Variants in PCDH10 observed in about 807,000 individuals in gnomAD.
PCDH10 encodes protocadherin 10.
Under a neutral mutation model 74.4 loss-of-function variants are expected in PCDH10, and 15 were observed. The observed-to-expected ratio is 0.20, with a 90% CI of 0.13 to 0.31. The LOEUF (loss-of-function observed/expected upper bound fraction) is 0.31. Among genes scored for constraint, PCDH10 ranks in the 10% least tolerant of loss-of-function variants. The probability of loss-of-function intolerance (pLI) is 1.00; values close to 1 mark genes in which losing one functional copy is unlikely to be tolerated. For missense variants in PCDH10, 1,260 were observed against 1,390.2 expected (o/e 0.91, Z 1.49); for synonymous variants, 619 against 589.8 (o/e 1.05, Z -0.72).
chr4:133,192,854 A>T lies in PCDH10; in HGVS notation c.*2694A>T, dbSNP rs562591368. The stretch of plus-strand genomic sequence containing the variant: ...AAAATGGAAAGTGCAACCAACAAAT[A>T]ATGAAGGTTTCTAATTAAGCATTTA... On this transcript the variant is annotated 3_prime_UTR_variant, in exon 5 of 5. Coordinates refer to ENST00000264360, the MANE Select transcript of PCDH10 (RefSeq NM_032961.3). 6.6e-6 allele frequency: 1 copy of T among 151,710 alleles called. No homozygotes were observed. The highest frequency in any genetic ancestry group is 1.5e-5 in the Non-Finnish European group (1 of 67,602). 9.4% of individuals were successfully genotyped at this position (151,710 alleles called of 1,614,324 possible). A position where few individuals can be genotyped will look rare whatever the true frequency, so the allele number is the denominator to read the frequency against.
intron 3 of PCDH10, among the ~76,000 whole-genome samples, chr4:133,160,639 A>T (rs902718709): frequency 6.6e-6 from 1 of 150,510 alleles, no homozygotes; most frequent in Admixed American, 6.7e-5. Context: ...ATACTAGATT[A>T]TTAAAATTAT....
chr4:133,203,669 C>G (rs1727947649), intron 2 of PCDH10, among the ~76,000 whole-genome samples: 1 of 152,198 alleles, frequency 6.6e-6, no homozygotes, highest in Admixed American at 6.5e-5. Context: ...TCTCTGTTCT[C>G]TCTGTACAAA....
chr4:133,171,133 G>T (rs1345086610), intron 4 of PCDH10, among the ~76,000 whole-genome samples: 2 of 151,956 alleles, frequency 1.3e-5, no homozygotes, highest in Non-Finnish European at 2.9e-5. Flanking sequence ...AAATGTTGTA[G>T]TCAGTAGGAC....
Position 133,163,158 on chromosome 4 carries a change from G to A in PCDH10, c.2979G>A (p.Gln993=). The part of the protein sequence containing the change: ...DTEVFETPEA[Q]PGAERSFSTF... ...AGGTGTTTGAAACTCCAGAAGCCCA[G>A]CCTGGGGCAGAGCGGTCCTTTTCCA... is the stretch of plus-strand genomic sequence containing the variant. Residue 993 remains glutamine (Q), a synonymous_variant, in exon 4 of 5, where the codon CAG becomes CAA. Coordinates refer to ENST00000264360, the MANE Select transcript of PCDH10 (RefSeq NM_032961.3). The A allele has an allele frequency of 6.2e-7, 1 of 1,614,122 alleles. No individual in the cohort carries two copies. The highest frequency in any genetic ancestry group is 8.5e-7 in the Non-Finnish European group (1 of 1,180,018).
chr4:133,151,221 A>C lies in PCDH10; in HGVS notation c.1081A>C (p.Ser361Arg), dbSNP rs143231760. 6.2e-7 allele frequency: 1 copy of C among 1,613,934 alleles called. No individual in the cohort carries two copies. Among genetic ancestry groups the C allele is most frequent in the South Asian group, 1.1e-5 (1 of 91,076 alleles). ...TGACAACGCGCCAGAGATCAGCTTCAGCACCGTGAAGGAAGCGGTGAGTGA... is the reference window on the plus strand; with the variant it reads ...TGACAACGCGCCAGAGATCAGCTTCCGCACCGTGAAGGAAGCGGTGAGTGA... ...ANDNAPEISF[S>R]TVKEAVSEGA... is the part of the protein sequence containing the mutation. The change falls in exon 1 of 5, where the codon AGC becomes CGC. Residue 361 changes from serine to arginine, a missense_variant. Ser to Arg is a moderately radical substitution (Grantham distance 110, BLOSUM62 -1). This residue lies in a region of PCDH10 where 112 missense variants were observed against 123.6 expected (regional missense o/e 0.91). Transcript: ENST00000264360.
rs931421301 is a variant in PCDH10, at chr4:133,151,881, C to A, written c.1741C>A (p.Arg581Ser). 2 of 1,613,006 alleles carry A rather than the reference C, an allele frequency of 1.2e-6. No individual in the cohort carries two copies. Among genetic ancestry groups the A allele is most frequent in the Non-Finnish European group, 1.7e-6 (2 of 1,179,982 alleles). The change falls in exon 1 of 5, where the codon CGC becomes AGC. Residue 581 changes from arginine to serine, a missense_variant. By Grantham distance (110) the Arg-to-Ser change is moderately radical. Coordinates refer to ENST00000264360, the MANE Select transcript of PCDH10 (RefSeq NM_032961.3). ...TGCCATCGTGGCGCCTCTACCAGGGCGCAACGGGACTCCAGCGCGTGAGGT... is the reference window on the plus strand; with the variant it reads ...TGCCATCGTGGCGCCTCTACCAGGGAGCAACGGGACTCCAGCGCGTGAGGT... Reference protein sequence around the residue: ...APAIVAPLPGRNGTPAREVLP... With the variant: ...APAIVAPLPGSNGTPAREVLP...
intron 2 of PCDH10, among the ~76,000 whole-genome samples, chr4:133,203,900 G>A (rs1327305910): frequency 6.6e-6 from 1 of 152,178 alleles, no homozygotes; most frequent in Non-Finnish European, 1.5e-5. Flanking sequence ...TTTTGACTGT[G>A]AGGCAGGCAT....
At chr4:133,179,337 C>T (rs1727361744) in intron 4 of PCDH10, among the ~76,000 whole-genome samples, 1 of 152,134 alleles carries the variant, frequency 6.6e-6, no homozygotes, top group Non-Finnish European at 1.5e-5. Context: ...ATGTTCTCCT[C>T]TTAACACATT....
At chr4:133,179,204 A>G (rs1041876229) in intron 4 of PCDH10, among the ~76,000 whole-genome samples, 4 of 152,152 alleles carry the variant, frequency 2.6e-5, no homozygotes, top group Non-Finnish European at 5.9e-5. Context: ...GCAGGCGTAT[A>G]CTTTGTGTTC....
In PCDH10 at chr4:133,151,484, G is replaced by T; in HGVS notation, c.1344G>T (p.Ser448=). Residue 448 remains serine, a synonymous_variant, in exon 1 of 5, where the codon TCG becomes TCT. Coordinates refer to ENST00000264360, the MANE Select transcript of PCDH10 (RefSeq NM_032961.3). The part of the protein sequence containing the change: ...RGEPALSTSK[S]IQVQVSDVND... ...AGCCTGCGCTCTCCACCAGTAAGTC[G>T]ATCCAGGTACAAGTGTCGGATGTGA... is the stretch of plus-strand genomic sequence containing the variant. 6.2e-7 allele frequency: 1 copy of T among 1,614,046 alleles called. No individual in the cohort carries two copies. The highest frequency in any genetic ancestry group is 8.5e-7 in the Non-Finnish European group (1 of 1,180,032).
downstream of PCDH10, among the ~76,000 whole-genome samples, chr4:133,197,969 TTG>T (rs70957500): frequency 0.44 from 64,227 of 144,764 alleles, 15,379 homozygotes; most frequent in Non-Finnish European, 0.54. Flanking sequence ...TCTCTCAAAA[TTG>T]TGTGTGTGTG....
At chr4:133,172,265 C>T (rs1341575143) in intron 4 of PCDH10, among the ~76,000 whole-genome samples, 1 of 151,890 alleles carries the variant, frequency 6.6e-6, no homozygotes, top group Non-Finnish European at 1.5e-5. Context: ...GACATAACCA[C>T]AAGAGCAATA....
At chr4:133,179,051 T>C (rs1727354977) in intron 4 of PCDH10, among the ~76,000 whole-genome samples, 1 of 152,096 alleles carries the variant, frequency 6.6e-6, no homozygotes, top group African/African-American at 2.4e-5. Flanking sequence ...ATCCTTAGAA[T>C]TGAGTTGGCC....
intron 4 of PCDH10, among the ~76,000 whole-genome samples, chr4:133,177,699 A>G (rs1210118553): frequency 6.6e-6 from 1 of 152,150 alleles, no homozygotes; most frequent in African/African-American, 2.4e-5. Flanking sequence ...TAAATATTAA[A>G]CAAATGTAAT....
intron 1 of PCDH10, chr4:133,153,075 AG>A: frequency 7.4e-7 from 1 of 1,353,326 alleles, no homozygotes; most frequent in Non-Finnish European, 9.5e-7. Flanking sequence ...CTGGGCATGA[AG>A]GGAAACTGCG....
intron 4 of PCDH10, among the ~76,000 whole-genome samples, chr4:133,184,249 A>G (rs1727481053): frequency 6.6e-6 from 1 of 152,130 alleles, no homozygotes; most frequent in Non-Finnish European, 1.5e-5. Context: ...AGAATAAAAA[A>G]GCATTAAAGA....
At chr4:133,167,235 A>G (rs994678819) in intron 4 of PCDH10, among the ~76,000 whole-genome samples, 4 of 151,570 alleles carry the variant, frequency 2.6e-5, no homozygotes, top group Non-Finnish European at 4.4e-5. Context: ...TTAGACATCT[A>G]TATTATGTCT....
intron 4 of PCDH10, among the ~76,000 whole-genome samples, chr4:133,189,414 C>T (rs914014373): frequency 3.3e-5 from 5 of 151,986 alleles, no homozygotes; most frequent in Admixed American, 6.6e-5. Context: ...AAACAAAATA[C>T]TTAAAATTAT....
intron 3 of PCDH10, among the ~76,000 whole-genome samples, chr4:133,162,079 G>A (rs932411485): frequency 3.9e-5 from 6 of 152,048 alleles, no homozygotes; most frequent in African/African-American, 1.4e-4. Flanking sequence ...TCAATCTAAG[G>A]AAGACAATGA....
Sources: allele counts gnomAD v4.1 joint callset (sites outside exome capture counted in the v4.1 genomes callset), GRCh38; gene constraint gnomAD v4.1.1; regional missense constraint gnomAD v4.1.1; transcripts MANE v1.5; gene names NCBI Gene and HGNC (gene_info 2026-07-23, HGNC 2026-07-21).